The following ZC3H15 variants were observed in gnomAD, a reference collection of about 807,000 sequenced individuals.
ZC3H15 encodes the protein zinc finger CCCH domain-containing protein 15.
In ZC3H15, 15 loss-of-function variants were observed where a neutral mutation model predicts 51.2. The ratio of observed to expected loss-of-function variants is 0.29; its 90% CI spans 0.20 to 0.45. The LOEUF (loss-of-function observed/expected upper bound fraction) is 0.45. Among genes scored for constraint, ZC3H15 ranks in the 20% least tolerant of loss-of-function variants. The pLI is 1.00. For missense variants in ZC3H15, 381 were observed against 494.7 expected, an observed-to-expected ratio of 0.77 and a Z score of 2.18; for synonymous variants, 144 against 162.8, an observed-to-expected ratio of 0.88 and a Z score of 0.88.
intron 6 of ZC3H15, among the ~76,000 whole-genome samples, chr2:186,504,647 A>C (rs1685439942): frequency 1.3e-5 from 2 of 152,178 alleles, no homozygotes; most frequent in African/African-American, 4.8e-5. Flanking sequence ...GACTCAAAAC[A>C]CTCACTCTGC....
At chr2:186,497,382 TAATAGCCCGGTTTAA>T (rs1685299566) in intron 2 of ZC3H15, among the ~76,000 whole-genome samples, 1 of 152,168 alleles carries the variant, frequency 6.6e-6, no homozygotes, top group Admixed American at 6.5e-5. Context: ...ACTGCTAACT[TAATAGCCCGGTTTAA>T]TAAAAATTAA....
chr2:186,501,537 A>C, intron 4 of ZC3H15, 112 bp downstream of exon 4: 2 of 889,032 alleles, frequency 2.2e-6, no homozygotes, highest in Non-Finnish European at 3.2e-6. Flanking sequence ...TGTTTATAAA[A>C]AATAATTAAT....
intron 1 of ZC3H15, among the ~76,000 whole-genome samples, chr2:186,491,167 A>G (rs749821841): frequency 4.6e-5 from 7 of 152,206 alleles, no homozygotes; most frequent in Admixed American, 6.5e-5. Flanking sequence ...AACCAGCCCA[A>G]TAACTTAATG....
chr2:186,502,859 A>G (rs1229966268), intron 5 of ZC3H15, among the ~76,000 whole-genome samples: 1 of 152,202 alleles, frequency 6.6e-6, no homozygotes, highest in African/African-American at 2.4e-5. Flanking sequence ...ATATGGATAA[A>G]CAAAATTACA....
intron 9 of ZC3H15, chr2:186,507,377 C>G (rs916746727): frequency 8.8e-6 from 4 of 456,426 alleles, no homozygotes; most frequent in African/African-American, 2.0e-5. Flanking sequence ...ATACAGTCCT[C>G]TCTCTCTTAA....
rs150233946 is a variant in ZC3H15 at position 186,493,024 on chromosome 2, G to C, written c.76-2209G>C. Among the ~76,000 whole-genome samples the C allele has an allele frequency of 6.0e-3, 909 of 152,132 alleles. 6 individuals carry two copies. The highest frequency in any genetic ancestry group is 0.015 in the South Asian group (71 of 4,822). ...ATATGAAGATTGGCAGTAGATGGAT[G>C]AGTTGGTAACTGACTTAGAGCAGAG... is the stretch of plus-strand genomic sequence containing the variant. On this transcript the variant is annotated intron_variant, in intron 1 of 9. Transcript: ENST00000337859.
intron 3 of ZC3H15, 141 bp from the exon 4 acceptor site, chr2:186,501,132 G>A (rs1685375932): frequency 5.5e-6 from 4 of 732,080 alleles, no homozygotes; most frequent in Non-Finnish European, 6.2e-6. Flanking sequence ...GAAATGTCTT[G>A]CTAATCACCC....
chr2:186,505,802 A>C lies in ZC3H15; in HGVS notation c.927A>C (p.Ala309=). ...TGGTCAATGATGATGATGAGGAAGC[A>C]GATGATACCCGCTACACCCAGGGAA... ...PELVNDDDEE[A]DDTRYTQGTG... Residue 309 remains alanine (A), a synonymous_variant, in exon 8 of 10, where the codon GCA becomes GCC. Transcript: ENST00000337859. 1.9e-6 allele frequency: 3 copies of C among 1,614,138 alleles called. No homozygotes were observed. In the Middle Eastern group the frequency reaches 4.9e-4, roughly 266 times the overall value.
Position 186,504,075 on chromosome 2 carries a change from G to A in ZC3H15, c.578G>A (p.Gly193Asp). The change falls in exon 6 of 10, where the codon GGC (glycine) becomes GAC (aspartate). Residue 193 changes from glycine to aspartate, a missense_variant. Gly to Asp is a moderately conservative substitution (Grantham distance 94, BLOSUM62 -1). Transcript: ENST00000337859. ...FLEAIENNKY[G>D]WFWVCPGGGD... ...GAAGCTATTGAAAACAACAAGTATG[G>A]CTGGTTTTGGGTATGCCCTGGAGGG... 6.2e-7 allele frequency: 1 copy of A among 1,604,408 alleles called. No homozygotes were observed. Among genetic ancestry groups the A allele is most frequent in the Non-Finnish European group, 8.5e-7 (1 of 1,175,640 alleles).
At chr2:186,489,186 A>T (rs1415546583) in intron 1 of ZC3H15, 1 of 152,240 alleles carries the variant, frequency 6.6e-6, no homozygotes, top group Non-Finnish European at 1.5e-5. Context: ...TTTTCAAAAA[A>T]TACTGCAACA....
chr2:186,490,169 C>T lies in ZC3H15; in HGVS notation c.75+3712C>T, dbSNP rs892201880. 3.3e-5 allele frequency among the ~76,000 whole-genome samples: 5 copies of T among 152,142 alleles called. No homozygotes were observed. The South Asian group carries it at 1.0e-3, about 32-fold the overall frequency. ...ATGAATTCATTTGTATTAATACTTTCCGAAATGAATATGTCAAACAGGATT... is the reference window on the plus strand; with the variant it reads ...ATGAATTCATTTGTATTAATACTTTTCGAAATGAATATGTCAAACAGGATT... On this transcript the variant is annotated intron_variant, in intron 1 of 9. Coordinates refer to ENST00000337859, the MANE Select transcript of ZC3H15 (RefSeq NM_018471.3).
At position 186,505,555 on chromosome 2, in the gene ZC3H15, G is replaced by A; in HGVS notation, c.822G>A (p.Met274Ile). 6.2e-7 allele frequency: 1 copy of A among 1,609,038 alleles called. No homozygotes were observed. Among genetic ancestry groups the A allele is most frequent in the Non-Finnish European group, 8.5e-7 (1 of 1,178,530 alleles). ...AGATTGATAAACTTGAACAAGATAT[G>A]GAAAGAAGGAAAGCTGACTTCAAAG... ...QEKIDKLEQDMERRKADFKAG... is the reference protein window; with the variant it reads ...QEKIDKLEQDIERRKADFKAG... The change falls in exon 7 of 10, where the codon ATG (methionine) becomes ATA (isoleucine). Residue 274 changes from methionine (M) to isoleucine (I), a missense_variant. Physicochemically the swap from Met to Ile is conservative, Grantham distance 10. Transcript: ENST00000337859.
At chr2:186,506,897 C>A in intron 9 of ZC3H15, 61 bp downstream of exon 9, 1 of 1,540,876 alleles carries the variant, frequency 6.5e-7, no homozygotes, top group Non-Finnish European at 8.7e-7. Flanking sequence ...GGGGGTTATA[C>A]CAGGCTTGGC....
At chr2:186,492,697 T>C (rs1338127209) in intron 1 of ZC3H15, among the ~76,000 whole-genome samples, 13 of 152,226 alleles carry the variant, frequency 8.5e-5, no homozygotes. Flanking sequence ...TGTATGTTTT[T>C]AAATACTAAT....
chr2:186,501,469 C>G (rs1161882829), intron 4 of ZC3H15, 44 bp downstream of exon 4: 2 of 1,529,582 alleles, frequency 1.3e-6, no homozygotes, highest in African/African-American at 2.7e-5. Flanking sequence ...ATGTTGAATA[C>G]TTTCGGTTTG....
chr2:186,486,338 G>C lies in ZC3H15; in HGVS notation c.-45G>C. The stretch of plus-strand genomic sequence containing the variant: ...TGCCGCAGGGCCAGAACCCCTGACG[G>C]TATTCAGCTGCGCGTAAGTCTGGCC... On this transcript the variant is annotated 5_prime_UTR_variant, in exon 1 of 10. Transcript: ENST00000337859. 6.6e-7 allele frequency: 1 copy of C among 1,513,058 alleles called. No individual in the cohort carries two copies. The highest frequency in any genetic ancestry group is 8.9e-7 in the Non-Finnish European group (1 of 1,125,146). 93.7% of individuals were successfully genotyped at this position (1,513,058 alleles called of 1,614,324 possible).
chr2:186,501,764 T>C (rs1574425925), intron 4 of ZC3H15, among the ~76,000 whole-genome samples: 1 of 151,486 alleles, frequency 6.6e-6, no homozygotes, highest in East Asian at 2.0e-4. Context: ...CAGACTGGAG[T>C]GCAGTGGCAC....
intron 1 of ZC3H15, 35 bp from the exon 2 acceptor site, chr2:186,495,198 A>C (rs772267476): frequency 1.5e-6 from 2 of 1,301,536 alleles, no homozygotes; most frequent in South Asian, 1.5e-5. Context: ...GGTAACATAA[A>C]TTGCTAAGAT....
At chr2:186,506,113 A>AT in intron 8 of ZC3H15, 2 of 493,714 alleles carry the variant, frequency 4.1e-6, no homozygotes, top group South Asian at 4.0e-5. Flanking sequence ...GTTGAGTGCT[A>AT]TATGTATTAC....
Sources: gnomAD v4.1 joint callset for allele counts (sites outside exome capture counted in the v4.1 genomes callset) on GRCh38, gnomAD v4.1.1 for gene constraint, MANE v1.5 for transcripts, NCBI Gene and HGNC (gene_info 2026-07-23, HGNC 2026-07-21) for gene names.